Variants in PCDH9 observed in about 807,000 individuals in gnomAD.
PCDH9 encodes the protein protocadherin-9.
Under a neutral mutation model 70.6 loss-of-function variants are expected in PCDH9, and 24 were observed. The ratio of observed to expected loss-of-function variants is 0.34; its 90% CI spans 0.25 to 0.48. The LOEUF (loss-of-function observed/expected upper bound fraction) is 0.48, where lower values mean the gene tolerates loss of function less well. PCDH9 is among the 20% of genes least tolerant of loss of function. The probability of loss-of-function intolerance (pLI) is 0.99; values close to 1 mark genes in which losing one functional copy is unlikely to be tolerated. For missense variants in PCDH9, 1,281 were observed against 1,503.6 expected (o/e 0.85, Z 2.45); for synonymous variants, 562 against 558.5 (o/e 1.01, Z -0.09).
intron 2 of PCDH9, among the ~76,000 whole-genome samples, chr13:66,960,199 G>A (rs139322459): frequency 6.6e-6 from 1 of 152,238 alleles, no homozygotes; most frequent in East Asian, 1.9e-4. Flanking sequence ...CAGAGCTTTT[G>A]ATCATCAGCC....
intron 2 of PCDH9, among the ~76,000 whole-genome samples, chr13:67,126,083 A>C (rs1038925067): frequency 2.6e-5 from 4 of 152,194 alleles, no homozygotes; most frequent in Non-Finnish European, 5.9e-5. Context: ...AAAAATAAAC[A>C]AGTAACATCA....
Position 67,094,992 on chromosome 13 carries a change from C to T in PCDH9, c.3036+130413G>A, listed in dbSNP as rs570089205. ...TTGAAAATCAAGTTGTCTCCCTCACCTGATAGGAAAACTGTGAAACATTTG... is the reference window on the plus strand; with the variant it reads ...TTGAAAATCAAGTTGTCTCCCTCACTTGATAGGAAAACTGTGAAACATTTG... On this transcript the variant is annotated intron_variant, in intron 2 of 4. Coordinates refer to ENST00000377865, the MANE Select transcript of PCDH9 (RefSeq NM_203487.3). Among the ~76,000 whole-genome samples the T allele has an allele frequency of 5.9e-5, 9 of 152,216 alleles. No individual in the cohort carries two copies. In the South Asian group the frequency reaches 1.9e-3, roughly 32 times the overall value.
At chr13:66,693,050 G>T (rs2078510646) in intron 3 of PCDH9, among the ~76,000 whole-genome samples, 2 of 152,102 alleles carry the variant, frequency 1.3e-5, no homozygotes, top group East Asian at 1.9e-4. Context: ...TTAAAGTTTG[G>T]AGAAGATTCA....
intron 3 of PCDH9, among the ~76,000 whole-genome samples, chr13:66,684,868 A>G (rs1360220744): frequency 6.6e-5 from 10 of 152,126 alleles, no homozygotes. Flanking sequence ...AGAAGAAGAT[A>G]GGAAGATGTG....
chr13:66,360,945 T>A (rs182497168), intron 4 of PCDH9, among the ~76,000 whole-genome samples: 1 of 152,176 alleles, frequency 6.6e-6, no homozygotes, highest in East Asian at 1.9e-4. Context: ...CTGAGCTAAT[T>A]TTTTTATGGA....
At position 67,191,708 on chromosome 13, in the gene PCDH9, A is replaced by G. The variant is rs543680504; in HGVS notation, c.3036+33697T>C. Among the ~76,000 whole-genome samples, 4 of 152,158 alleles carry G rather than the reference A, an allele frequency of 2.6e-5. No homozygotes were observed. In the East Asian group the frequency reaches 7.7e-4, roughly 29 times the overall value. ...TATCACCCCCACCTGGACTTGCCTT[A>G]TATTCTTAACGCCATTCTCTCTTCT... On this transcript the variant is annotated intron_variant, in intron 2 of 4. Transcript: ENST00000377865.
intron 4 of PCDH9, among the ~76,000 whole-genome samples, chr13:66,542,232 C>A (rs960764557): frequency 6.6e-6 from 1 of 151,930 alleles, no homozygotes; most frequent in Non-Finnish European, 1.5e-5. Context: ...CCTAATGACA[C>A]GAGACTACAA....
At chr13:66,367,029 A>C (rs1956564597) in intron 4 of PCDH9, among the ~76,000 whole-genome samples, 1 of 152,140 alleles carries the variant, frequency 6.6e-6, no homozygotes, top group African/African-American at 2.4e-5. Context: ...ATCACACATA[A>C]TGTATAAAAT....
intron 2 of PCDH9, among the ~76,000 whole-genome samples, chr13:67,109,106 C>T (rs971685222): frequency 6.6e-6 from 1 of 152,114 alleles, no homozygotes; most frequent in African/African-American, 2.4e-5. Context: ...ACACCTAACC[C>T]ACTTTAGACT....
chr13:66,680,887 T>G (rs771869838), intron 3 of PCDH9, among the ~76,000 whole-genome samples: 2 of 151,990 alleles, frequency 1.3e-5, no homozygotes, highest in Non-Finnish European at 1.5e-5. Flanking sequence ...TATTAACATA[T>G]CAAAAATAAA....
chr13:67,128,144 C>G (rs1385345209), intron 2 of PCDH9, among the ~76,000 whole-genome samples: 1 of 152,088 alleles, frequency 6.6e-6, no homozygotes, highest in African/African-American at 2.4e-5. Flanking sequence ...TGAACCTACC[C>G]TTTTAGGATG....
At chr13:66,866,537 C>T (rs1302300671) in intron 3 of PCDH9, among the ~76,000 whole-genome samples, 1 of 151,656 alleles carries the variant, frequency 6.6e-6, no homozygotes, top group Non-Finnish European at 1.5e-5. Flanking sequence ...GTGGTTCACG[C>T]CTGTAATCCC....
At chr13:66,940,558 T>A (rs964439267) in intron 2 of PCDH9, among the ~76,000 whole-genome samples, 4 of 152,134 alleles carry the variant, frequency 2.6e-5, no homozygotes, top group African/African-American at 7.2e-5. Context: ...GTAATCTATA[T>A]CTCATGTTTA....
chr13:66,695,961 T>C (rs1230037329), intron 3 of PCDH9, among the ~76,000 whole-genome samples: 1 of 152,170 alleles, frequency 6.6e-6, no homozygotes, highest in Non-Finnish European at 1.5e-5. Context: ...TTTTGTATTA[T>C]CATGCAATCA....
intron 3 of PCDH9, among the ~76,000 whole-genome samples, chr13:66,696,079 T>G (rs187776969): frequency 3.3e-4 from 51 of 152,266 alleles, no homozygotes; most frequent in African/African-American, 1.2e-3. Flanking sequence ...GAAAATTATT[T>G]AATGCATGAA....
chr13:67,166,997 T>C (rs2985918), intron 2 of PCDH9, among the ~76,000 whole-genome samples: 143,584 of 152,282 alleles, frequency 0.94, 67,906 homozygotes, highest in Non-Finnish European at 0.98. Context: ...AATTTAGATC[T>C]GACTTCTTGT....
At chr13:66,582,251 T>TA (rs796553241) in intron 4 of PCDH9, among the ~76,000 whole-genome samples, 79 of 152,308 alleles carry the variant, frequency 5.2e-4, no homozygotes, top group African/African-American at 1.9e-3. Flanking sequence ...GCACCCATGC[T>TA]AAGAATAATC....
At chr13:66,857,809 A>G (rs527514234) in intron 3 of PCDH9, among the ~76,000 whole-genome samples, 2 of 152,210 alleles carry the variant, frequency 1.3e-5, no homozygotes, top group African/African-American at 4.8e-5. Flanking sequence ...ATTTCTTACA[A>G]AATATGATCC....
intron 2 of PCDH9, among the ~76,000 whole-genome samples, chr13:67,129,032 T>C (rs922458385): frequency 9.9e-5 from 15 of 152,172 alleles, no homozygotes; most frequent in Admixed American, 2.0e-4. Context: ...TTTTTTAATT[T>C]TTTTTTACTT....
Sources: allele counts gnomAD v4.1 joint callset (sites outside exome capture counted in the v4.1 genomes callset), GRCh38; gene constraint gnomAD v4.1.1; transcripts MANE v1.5; gene names NCBI Gene and HGNC (gene_info 2026-07-23, HGNC 2026-07-21).